The following GAB3 variants were observed in gnomAD, a reference collection of about 807,000 sequenced individuals.
GAB3 encodes the protein GRB2 associated binding protein 3.
In GAB3, 12 loss-of-function variants were observed where a neutral mutation model predicts 40.4. The observed-to-expected ratio is 0.30, with a 90% CI of 0.19 to 0.48. GAB3 has a LOEUF of 0.48. Among genes scored for constraint, GAB3 ranks in the 20% least tolerant of loss-of-function variants. GAB3 has a pLI of 0.99. For missense variants in GAB3, 381 were observed against 461.9 expected (o/e 0.82, Z 1.61); for synonymous variants, 154 against 176.7 (o/e 0.87, Z 1.02).
chrX:154,679,340 C>T (rs1557246292), intron 9 of GAB3: 1 of 288,671 alleles, frequency 3.5e-6, no homozygotes, highest in Admixed American at 4.5e-5. Flanking sequence ...AGGCTCTGGC[C>T]TGCAATAAAA....
At chrX:154,750,359 C>G (rs1025161329) in intron 1 of GAB3, among the ~76,000 whole-genome samples, 3 of 112,270 alleles carry the variant, frequency 2.7e-5, no homozygotes, top group Non-Finnish European at 3.8e-5. Flanking sequence ...TAGTAAAAGT[C>G]AGTTGTCCAG....
At chrX:154,747,164 C>T (rs993063594) in intron 1 of GAB3, among the ~76,000 whole-genome samples, 1 of 111,797 alleles carries the variant, frequency 8.9e-6, no homozygotes, top group Non-Finnish European at 1.9e-5. Flanking sequence ...CACCACCATG[C>T]CTGGCTAATT....
intron 1 of GAB3, among the ~76,000 whole-genome samples, chrX:154,735,889 T>C (rs1462225318): frequency 1.8e-5 from 2 of 112,655 alleles, no homozygotes; most frequent in Non-Finnish European, 3.8e-5. Context: ...AGCTCACTGC[T>C]CTTGGAACAT....
At position 154,687,503 on chromosome X, in the gene GAB3, G is replaced by A. The variant is rs782070731; in HGVS notation, c.1531-7255C>T. 2.4e-4 allele frequency among the ~76,000 whole-genome samples: 26 copies of A among 108,581 alleles called. No individual in the cohort carries two copies. In the East Asian group the frequency reaches 5.2e-3, roughly 22 times the overall value. The allele number at this position is 108,581 out of a possible 115,157, so 94.3% of individuals were successfully genotyped here. Reference sequence around the variant, plus strand: ...CAAAAATTTAGCCAGGTGTGGTGGCGGGCGCCTGTAGTCCCAGCTACTCAG... The same window carrying A: ...CAAAAATTTAGCCAGGTGTGGTGGCAGGCGCCTGTAGTCCCAGCTACTCAG... On this transcript the variant is annotated intron_variant, in intron 8 of 9. Transcript: ENST00000424127.
At chrX:154,682,555 T>C (rs996276908) in intron 8 of GAB3, among the ~76,000 whole-genome samples, 6 of 112,095 alleles carry the variant, frequency 5.4e-5, no homozygotes, top group Non-Finnish European at 1.1e-4. Context: ...TTTTTCTGCA[T>C]CTAGTAAGAT....
chrX:154,709,423 C>T (rs183087012), intron 4 of GAB3, among the ~76,000 whole-genome samples: 7 of 108,030 alleles, frequency 6.5e-5, no homozygotes, highest in African/African-American at 1.7e-4. Flanking sequence ...CAGGTTCAAG[C>T]GATTCTCCTG....
chrX:154,682,790 CAACATGGTGA>C (rs1421591738), intron 8 of GAB3, among the ~76,000 whole-genome samples: 2 of 110,561 alleles, frequency 1.8e-5, no homozygotes, highest in Non-Finnish European at 3.8e-5. Context: ...CCAGCCTGGC[CAACATGGTGA>C]AACTCTGTCT....
chrX:154,712,759 C>A, intron 3 of GAB3, 58 bp from the exon 4 acceptor site: 1 of 724,115 alleles, frequency 1.4e-6, no homozygotes, highest in Non-Finnish European at 2.0e-6. Context: ...CACCACAAAA[C>A]CAACGCTGGC....
At chrX:154,700,249 C>G (rs1227823171) in intron 4 of GAB3, among the ~76,000 whole-genome samples, 190 bp from the exon 5 acceptor site, 1 of 111,712 alleles carries the variant, frequency 9.0e-6, no homozygotes, top group Non-Finnish European at 1.9e-5. Context: ...TTTGAGTTCT[C>G]TCTGTGAAAT....
intron 8 of GAB3, among the ~76,000 whole-genome samples, chrX:154,680,732 T>C (rs1243118667): frequency 5.3e-5 from 6 of 112,310 alleles, no homozygotes; most frequent in Non-Finnish European, 1.1e-4. Flanking sequence ...TTCCTTCTCC[T>C]CCCAAGAGGT....
intron 6 of GAB3, among the ~76,000 whole-genome samples, chrX:154,698,221 C>T: frequency 8.9e-6 from 1 of 111,965 alleles, no homozygotes; most frequent in Non-Finnish European, 1.9e-5. Flanking sequence ...TGGCTATTTC[C>T]TCTGAACCTC....
At chrX:154,725,425 A>T (rs2071198849) in intron 1 of GAB3, among the ~76,000 whole-genome samples, 1 of 111,642 alleles carries the variant, frequency 9.0e-6, no homozygotes, top group Non-Finnish European at 1.9e-5. Flanking sequence ...ATTAGATGGC[A>T]GTCAGTGCAG....
Position 154,745,159 on chromosome X carries a change from G to A in GAB3, c.72+5795C>T, listed in dbSNP as rs868966443. 6.1e-4 allele frequency among the ~76,000 whole-genome samples: 67 copies of A among 110,135 alleles called. 1 individual carries two copies. The highest frequency in any genetic ancestry group is 2.1e-3 in the African/African-American group (62 of 30,211). ...CCAGCCTGGCCAATATGGTGAAACC[G>A]CATCTCTACTAAAAATTCAAAAATT... On this transcript the variant is annotated intron_variant, in intron 1 of 9. Transcript: ENST00000424127.
intron 1 of GAB3, among the ~76,000 whole-genome samples, chrX:154,717,111 G>A (rs2071057322): frequency 9.0e-6 from 1 of 111,653 alleles, no homozygotes. Context: ...AACAACTGTA[G>A]GAATGAATTT....
intron 8 of GAB3, 46 bp from the exon 9 acceptor site, chrX:154,680,294 G>T: frequency 1.0e-6 from 1 of 967,476 alleles, no homozygotes; most frequent in Non-Finnish European, 1.5e-6. Context: ...GTCTATCTTG[G>T]TTGCTCAAGG....
rs182352725 is a variant in GAB3, at chrX:154,721,965, A to T, written c.73-5636T>A. Among the ~76,000 whole-genome samples the T allele has an allele frequency of 6.2e-5, 7 of 112,063 alleles. No homozygotes were observed. In the East Asian group the frequency reaches 2.0e-3, roughly 31 times the overall value. The stretch of plus-strand genomic sequence containing the variant: ...GAAGTGAAATCACCCTCTCATAAAG[A>T]TATCTGCACTCCCATGATCAGTGCA... On this transcript the variant is annotated intron_variant, in intron 1 of 9. Coordinates refer to ENST00000424127, the MANE Select transcript of GAB3 (RefSeq NM_001081573.3).
At chrX:154,720,567 C>G (rs1242562599) in intron 1 of GAB3, among the ~76,000 whole-genome samples, 1 of 95,431 alleles carries the variant, frequency 1.0e-5, no homozygotes, top group Non-Finnish European at 2.0e-5. Flanking sequence ...GCGGAGCCTG[C>G]AGTGAGCCGA....
chrX:154,749,833 CATACATTA>C (rs1385534349), intron 1 of GAB3, among the ~76,000 whole-genome samples: 2 of 112,858 alleles, frequency 1.8e-5, no homozygotes, highest in Non-Finnish European at 3.7e-5. Flanking sequence ...TGGAAGTATT[CATACATTA>C]TTAAAGTCTT....
intron 1 of GAB3, among the ~76,000 whole-genome samples, chrX:154,750,360 A>C (rs781871093): frequency 8.9e-6 from 1 of 112,523 alleles, no homozygotes; most frequent in African/African-American, 3.2e-5. Flanking sequence ...AGTAAAAGTC[A>C]GTTGTCCAGC....
Sources: gnomAD v4.1 joint callset for allele counts (sites outside exome capture counted in the v4.1 genomes callset) on GRCh38, gnomAD v4.1.1 for gene constraint, MANE v1.5 for transcripts, NCBI Gene and HGNC (gene_info 2026-07-23, HGNC 2026-07-21) for gene names.